Variants in ANKS1B observed in about 807,000 individuals in gnomAD.
The protein encoded by ANKS1B is ankyrin repeat and sterile alpha motif domain-containing protein 1B.
Under a neutral mutation model 148.3 loss-of-function variants are expected in ANKS1B, and 36 were observed. The observed-to-expected ratio is 0.24, with a 90% CI of 0.19 to 0.32. ANKS1B has a LOEUF of 0.32. ANKS1B is among the 10% of genes least tolerant of loss of function. The pLI, the probability that ANKS1B is intolerant of heterozygous loss-of-function variation, is 1.00. For missense variants in ANKS1B, 1,157 were observed against 1,542.6 expected, an observed-to-expected ratio of 0.75 and a Z score of 4.19; for synonymous variants, 542 against 560.8, an observed-to-expected ratio of 0.97 and a Z score of 0.47.
chr12:98,797,693 G>A (rs551756228), intron 22 of ANKS1B, among the ~76,000 whole-genome samples: 1 of 152,206 alleles, frequency 6.6e-6, no homozygotes, highest in South Asian at 2.1e-4. Flanking sequence ...AAATATTAGT[G>A]ATTACATATT....
intron 12 of ANKS1B, among the ~76,000 whole-genome samples, chr12:99,374,205 C>T (rs1170492807): frequency 2.6e-5 from 4 of 152,136 alleles, no homozygotes; most frequent in African/African-American, 4.8e-5. Flanking sequence ...AATAGTACAG[C>T]AGGCCCTTGA....
At chr12:98,961,555 A>T (rs114043277) in intron 17 of ANKS1B, among the ~76,000 whole-genome samples, 5,082 of 152,218 alleles carry the variant, frequency 0.033, 214 homozygotes, top group African/African-American at 0.097. Flanking sequence ...GGTGCAAAAA[A>T]CTCACAGGTA....
chr12:99,803,089 C>G (rs1051169202), intron 4 of ANKS1B, among the ~76,000 whole-genome samples: 2 of 151,818 alleles, frequency 1.3e-5, no homozygotes, highest in African/African-American at 4.8e-5. Context: ...TACTAATTCC[C>G]AACAGGTTAG....
At chr12:98,765,810 A>T (rs1480689760) in intron 25 of ANKS1B, among the ~76,000 whole-genome samples, 2 of 152,308 alleles carry the variant, frequency 1.3e-5, no homozygotes, top group Non-Finnish European at 1.5e-5. Flanking sequence ...TGGCCAGGCT[A>T]GTCTGGGACT....
intron 4 of ANKS1B, among the ~76,000 whole-genome samples, chr12:99,785,949 G>A (rs1211350313): frequency 6.6e-6 from 1 of 152,162 alleles, no homozygotes; most frequent in East Asian, 1.9e-4. Flanking sequence ...ATACAGCACA[G>A]TTTTGAAGGA....
chr12:99,132,684 C>T (rs2066514490), intron 15 of ANKS1B, among the ~76,000 whole-genome samples: 1 of 152,114 alleles, frequency 6.6e-6, no homozygotes, highest in African/African-American at 2.4e-5. Flanking sequence ...CAGATCTGGG[C>T]TTGTAAATTA....
chr12:99,845,177 C>A (rs2086440047), intron 1 of ANKS1B, among the ~76,000 whole-genome samples: 2 of 149,820 alleles, frequency 1.3e-5, no homozygotes, highest in South Asian at 2.1e-4. Flanking sequence ...TATCTGCAAA[C>A]AAAGATAGAT....
chr12:98,942,870 C>T (rs909880511), intron 17 of ANKS1B, among the ~76,000 whole-genome samples: 3 of 152,168 alleles, frequency 2.0e-5, no homozygotes, highest in African/African-American at 7.2e-5. Context: ...AAAATTCAAA[C>T]ACCCCAACAG....
intron 1 of ANKS1B, among the ~76,000 whole-genome samples, chr12:99,900,642 G>A (rs1239882421): frequency 6.6e-6 from 1 of 151,908 alleles, no homozygotes; most frequent in Admixed American, 6.6e-5. Flanking sequence ...GAAGCAAGCA[G>A]GGAAGATTAC....
chr12:99,386,437 C>G (rs1486518998), intron 12 of ANKS1B: 1 of 151,984 alleles, frequency 6.6e-6, no homozygotes, highest in Non-Finnish European at 1.5e-5. Context: ...TCATAAATGG[C>G]TCCTGTAGAA....
chr12:99,346,287 T>C (rs1239904477), intron 12 of ANKS1B, among the ~76,000 whole-genome samples: 1 of 151,348 alleles, frequency 6.6e-6, no homozygotes, highest in Non-Finnish European at 1.5e-5. Flanking sequence ...GTTACCCCCC[T>C]GCCTAAACAA....
intron 15 of ANKS1B, among the ~76,000 whole-genome samples, chr12:99,151,405 G>A (rs1050761536): frequency 1.3e-5 from 2 of 151,956 alleles, no homozygotes; most frequent in African/African-American, 2.4e-5. Flanking sequence ...GTGCACACCT[G>A]TAATCCCAGC....
intron 1 of ANKS1B, among the ~76,000 whole-genome samples, chr12:99,906,294 C>T (rs188344076): frequency 1.3e-5 from 2 of 152,288 alleles, no homozygotes; most frequent in East Asian, 3.9e-4. Flanking sequence ...TGATCTGTAT[C>T]GCTACATTCT....
intron 17 of ANKS1B, among the ~76,000 whole-genome samples, chr12:98,907,740 C>T (rs944844439): frequency 3.3e-5 from 5 of 152,190 alleles, no homozygotes; most frequent in Non-Finnish European, 5.9e-5. Flanking sequence ...ATAATTCCCA[C>T]GTGCTGTGGG....
chr12:99,558,040 C>T (rs920570665), intron 9 of ANKS1B, among the ~76,000 whole-genome samples: 1 of 152,082 alleles, frequency 6.6e-6, no homozygotes, highest in African/African-American at 2.4e-5. Flanking sequence ...GTGGAGGGGC[C>T]GAGGTATTCT....
At chr12:99,011,818 C>A (rs1040636472) in intron 17 of ANKS1B, among the ~76,000 whole-genome samples, 1 of 152,142 alleles carries the variant, frequency 6.6e-6, no homozygotes, top group Admixed American at 6.5e-5. Flanking sequence ...TTACACAAGT[C>A]AAATGGGTAA....
intron 17 of ANKS1B, among the ~76,000 whole-genome samples, chr12:98,879,583 C>T (rs2099701221): frequency 6.6e-6 from 1 of 152,062 alleles, no homozygotes; most frequent in Non-Finnish European, 1.5e-5. Flanking sequence ...ATTTCTCTTG[C>T]TTCTTGTTTT....
At chr12:99,167,944 C>A (rs1179606225) in intron 14 of ANKS1B, among the ~76,000 whole-genome samples, 1 of 152,108 alleles carries the variant, frequency 6.6e-6, no homozygotes, top group Non-Finnish European at 1.5e-5. Context: ...AGAAACCAGA[C>A]CAAAAGAATA....
Position 99,504,558 on chromosome 12 carries a change from G to T in ANKS1B, c.1356C>A (p.Asn452Lys). 1 of 1,612,726 alleles carries T rather than the reference G, an allele frequency of 6.2e-7. No individual in the cohort carries two copies. The highest frequency in any genetic ancestry group is 8.5e-7 in the Non-Finnish European group (1 of 1,179,350). Residue 452 changes from asparagine to lysine, a missense_variant, in exon 10 of 27, where the codon AAC becomes AAA. Physicochemically the swap from Asn to Lys is moderately conservative, Grantham distance 94. This residue lies in a region of ANKS1B where 661 missense variants were observed against 642.1 expected (regional missense o/e 1.03). Transcript: ENST00000683438. Reference protein sequence around the residue: ...SLDTFPSENENFLCDLMDTAV... With the variant: ...SLDTFPSENEKFLCDLMDTAV... Reference sequence around the variant, plus strand: ...CTGTGTCCATGAGATCACACAGAAAGTTCTCATTTTCTGAAGGAAATGTAT... The same window carrying T: ...CTGTGTCCATGAGATCACACAGAAATTTCTCATTTTCTGAAGGAAATGTAT...
Sources: allele counts gnomAD v4.1 joint callset (sites outside exome capture counted in the v4.1 genomes callset), GRCh38; gene constraint gnomAD v4.1.1; regional missense constraint gnomAD v4.1.1; transcripts MANE v1.5; gene names NCBI Gene and HGNC (gene_info 2026-07-23, HGNC 2026-07-21).